Variants in TAFA5 observed in about 807,000 individuals in gnomAD.
TAFA5 encodes chemokine-like protein TAFA-5.
Under a neutral mutation model 15.3 loss-of-function variants are expected in TAFA5, and 6 were observed. That is an observed-to-expected ratio of 0.39 (90% CI 0.21 to 0.77). TAFA5 has a LOEUF of 0.77. Ranked by LOEUF, TAFA5 falls within the 30% of genes least tolerant of loss-of-function variation. The pLI is 0.41. For missense variants in TAFA5, 161 were observed against 193.1 expected, an observed-to-expected ratio of 0.83 and a Z score of 0.98; for synonymous variants, 103 against 80.7, an observed-to-expected ratio of 1.28 and a Z score of -1.48.
At chr22:48,723,079 C>T (rs1218950207) in intron 3 of TAFA5, among the ~76,000 whole-genome samples, 2 of 152,186 alleles carry the variant, frequency 1.3e-5, no homozygotes, top group Non-Finnish European at 2.9e-5. Context: ...AGGTTCCCAT[C>T]ATGACAGACC....
At chr22:48,701,160 G>T (rs1928893603) in intron 2 of TAFA5, among the ~76,000 whole-genome samples, 1 of 152,194 alleles carries the variant, frequency 6.6e-6, no homozygotes, top group African/African-American at 2.4e-5. Context: ...CTCAGGACCG[G>T]CTCCTTCCAT....
At chr22:48,687,471 G>A (rs1224665582) in intron 2 of TAFA5, among the ~76,000 whole-genome samples, 1 of 151,952 alleles carries the variant, frequency 6.6e-6, no homozygotes, top group Non-Finnish European at 1.5e-5. Flanking sequence ...GTGGATGGGT[G>A]GATGGGGGAT....
intron 1 of TAFA5, among the ~76,000 whole-genome samples, chr22:48,496,511 A>G (rs1928329600): frequency 6.6e-6 from 1 of 152,156 alleles, no homozygotes; most frequent in Non-Finnish European, 1.5e-5. Context: ...CTTCTATACA[A>G]TGATGTCAAC....
At chr22:48,629,750 A>ACTCTATGTCCACATC (rs1304093755) in intron 1 of TAFA5, among the ~76,000 whole-genome samples, 4 of 152,178 alleles carry the variant, frequency 2.6e-5, no homozygotes, top group Non-Finnish European at 5.9e-5. Context: ...CACTGCAGGA[A>ACTCTATGTCCACATC]ACCCTGGGAT....
chr22:48,577,413 C>T (rs1024964810), intron 1 of TAFA5, among the ~76,000 whole-genome samples: 7 of 152,264 alleles, frequency 4.6e-5, no homozygotes, highest in Admixed American at 1.3e-4. Context: ...CCTGTCATAT[C>T]AGACTGGGGG....
At chr22:48,735,321 C>T (rs970895110) in intron 3 of TAFA5, among the ~76,000 whole-genome samples, 2 of 152,140 alleles carry the variant, frequency 1.3e-5, no homozygotes, top group African/African-American at 4.8e-5. Flanking sequence ...CAGATCACAG[C>T]GTGGGGAGCA....
chr22:48,687,181 G>C (rs1271841011), intron 2 of TAFA5, among the ~76,000 whole-genome samples: 1 of 151,394 alleles, frequency 6.6e-6, no homozygotes, highest in Non-Finnish European at 1.5e-5. Flanking sequence ...TGGATGAGTG[G>C]ATTGATGGAT....
At chr22:48,693,559 G>A (rs1193599399) in intron 2 of TAFA5, among the ~76,000 whole-genome samples, 1 of 152,128 alleles carries the variant, frequency 6.6e-6, no homozygotes, top group East Asian at 1.9e-4. Flanking sequence ...GGAGCTCAGG[G>A]AACTCTGTTC....
At chr22:48,630,921 C>CA (rs1926200951) in intron 1 of TAFA5, among the ~76,000 whole-genome samples, 1 of 152,074 alleles carries the variant, frequency 6.6e-6, no homozygotes, top group Non-Finnish European at 1.5e-5. Context: ...ATGGGGGGAG[C>CA]CCGGCGTGCG....
At chr22:48,597,825 G>T (rs1182805388) in intron 1 of TAFA5, among the ~76,000 whole-genome samples, 1 of 152,264 alleles carries the variant, frequency 6.6e-6, no homozygotes, top group African/African-American at 2.4e-5. Context: ...TGGAGACCCT[G>T]GTGAGGCTGG....
intron 3 of TAFA5, among the ~76,000 whole-genome samples, chr22:48,713,636 C>G (rs1054377971): frequency 6.6e-6 from 1 of 152,210 alleles, no homozygotes; most frequent in East Asian, 1.9e-4. Context: ...GTTGGCATCT[C>G]CAGCAGTGCT....
At chr22:48,582,953 A>C (rs1333111180) in intron 1 of TAFA5, among the ~76,000 whole-genome samples, 3 of 136,542 alleles carry the variant, frequency 2.2e-5, no homozygotes, top group African/African-American at 8.2e-5. Flanking sequence ...CACATGCCAC[A>C]CACACACCAC....
intron 1 of TAFA5, among the ~76,000 whole-genome samples, chr22:48,549,954 A>G (rs1225061192): frequency 6.6e-6 from 1 of 152,168 alleles, no homozygotes; most frequent in African/African-American, 2.4e-5. Flanking sequence ...GGTCCGAATG[A>G]TTTCCTTGCA....
chr22:48,540,911 T>C (rs2147118916), intron 1 of TAFA5, among the ~76,000 whole-genome samples: 1 of 151,954 alleles, frequency 6.6e-6, no homozygotes, highest in East Asian at 1.9e-4. Flanking sequence ...AGCAGCCATT[T>C]ATTAGAAGCC....
intron 1 of TAFA5, among the ~76,000 whole-genome samples, chr22:48,618,887 G>C (rs28583744): frequency 0.9 from 137,712 of 152,208 alleles, 62,564 homozygotes; most frequent in East Asian, 1. Flanking sequence ...GGCCCCCCTC[G>C]CCTGCACAGA....
chr22:48,608,744 G>A (rs980016007), intron 1 of TAFA5, among the ~76,000 whole-genome samples: 6 of 152,312 alleles, frequency 3.9e-5, no homozygotes, highest in African/African-American at 9.6e-5. Context: ...GCAGAGTGCC[G>A]TGGAGGGGCT....
chr22:48,493,839 C>G (rs1928236351), intron 1 of TAFA5, among the ~76,000 whole-genome samples: 1 of 152,212 alleles, frequency 6.6e-6, no homozygotes, highest in Non-Finnish European at 1.5e-5. Flanking sequence ...GGGGAAGGGA[C>G]TTCCCAGCGG....
intron 1 of TAFA5, among the ~76,000 whole-genome samples, chr22:48,508,744 C>T (rs993351192): frequency 1.3e-5 from 2 of 151,922 alleles, no homozygotes; most frequent in East Asian, 3.9e-4. Flanking sequence ...CACATATATA[C>T]AAACAATGTG....
chr22:48,533,241 G>GACC (rs1922033092), intron 1 of TAFA5, among the ~76,000 whole-genome samples: 1 of 152,194 alleles, frequency 6.6e-6, no homozygotes, highest in Non-Finnish European at 1.5e-5. Context: ...AAGAATAGAA[G>GACC]TCTCATCGAT....
Sources: allele counts gnomAD v4.1 joint callset (sites outside exome capture counted in the v4.1 genomes callset), GRCh38; gene constraint gnomAD v4.1.1; transcripts MANE v1.5; gene names NCBI Gene and HGNC (gene_info 2026-07-23, HGNC 2026-07-21).